Variants in RAPGEF4 observed in about 807,000 individuals in gnomAD.
RAPGEF4 encodes the protein Rap guanine nucleotide exchange factor 4, also known as RAP guanine-nucleotide-exchange factor (GEF) 4.
In RAPGEF4, 66 loss-of-function variants were observed where a neutral mutation model predicts 147.9. That is an observed-to-expected ratio of 0.45 (90% CI 0.37 to 0.55). RAPGEF4 has a LOEUF of 0.55. RAPGEF4 is among the 20% of genes least tolerant of loss of function. RAPGEF4 has a pLI of 0.00. For missense variants in RAPGEF4, 1,071 were observed against 1,257.3 expected, an observed-to-expected ratio of 0.85 and a Z score of 2.24; for synonymous variants, 419 against 442.7, an observed-to-expected ratio of 0.95 and a Z score of 0.67.
intron 1 of RAPGEF4, among the ~76,000 whole-genome samples, chr2:172,755,883 T>A (rs909650420): frequency 6.6e-6 from 1 of 152,194 alleles, no homozygotes; most frequent in South Asian, 2.1e-4. Flanking sequence ...CAATTCTATG[T>A]GCATTCAAGT....
At chr2:172,842,839 A>G (rs1428684260) in intron 4 of RAPGEF4, among the ~76,000 whole-genome samples, 8 of 152,204 alleles carry the variant, frequency 5.3e-5, no homozygotes, top group African/African-American at 1.9e-4. Flanking sequence ...CTGTAGGATG[A>G]GCATGTGGGA....
intron 1 of RAPGEF4, among the ~76,000 whole-genome samples, chr2:172,768,016 T>C (rs943619549): frequency 6.6e-6 from 1 of 152,100 alleles, no homozygotes. Flanking sequence ...TTCGTCATGT[T>C]GGCCAGGCTG....
intron 27 of RAPGEF4, among the ~76,000 whole-genome samples, chr2:173,035,615 G>A (rs1451572715): frequency 3.3e-5 from 5 of 151,682 alleles, no homozygotes; most frequent in Non-Finnish European, 5.9e-5. Flanking sequence ...GCCTCCAAAA[G>A]TGCTGGGATT....
chr2:172,798,381 T>C (rs1686609728), intron 3 of RAPGEF4, among the ~76,000 whole-genome samples: 3 of 152,148 alleles, frequency 2.0e-5, no homozygotes, highest in Admixed American at 2.0e-4. Flanking sequence ...TTAAGACAAG[T>C]GGCCAAAATG....
At chr2:172,755,896 A>G (rs1360946955) in intron 1 of RAPGEF4, among the ~76,000 whole-genome samples, 1 of 152,176 alleles carries the variant, frequency 6.6e-6, no homozygotes, top group Non-Finnish European at 1.5e-5. Flanking sequence ...ATTCAAGTGC[A>G]CATGTGTGTG....
intron 1 of RAPGEF4, among the ~76,000 whole-genome samples, chr2:172,772,756 G>T (rs1305455388): frequency 2.6e-5 from 4 of 152,236 alleles, no homozygotes; most frequent in Non-Finnish European, 5.9e-5. Flanking sequence ...TTGGTACCAG[G>T]TGCTGTGCGT....
At position 172,920,211 on chromosome 2, in the gene RAPGEF4, T is replaced by C. The variant is rs560707263; in HGVS notation, c.518-2070T>C. Among the ~76,000 whole-genome samples the C allele has an allele frequency of 3.9e-5, 6 of 152,332 alleles. No homozygotes were observed. The South Asian group carries it at 1.2e-3, about 32-fold the overall frequency. ...TATATTTCTTAGTAGTAAATTAATATGCATTTTAATATTATTTTTGACATT... is the reference window on the plus strand; with the variant it reads ...TATATTTCTTAGTAGTAAATTAATACGCATTTTAATATTATTTTTGACATT... On this transcript the variant is annotated intron_variant, in intron 5 of 30. Transcript: ENST00000397081.
At chr2:172,867,226 G>A (rs1201708811) in intron 4 of RAPGEF4, among the ~76,000 whole-genome samples, 2 of 152,008 alleles carry the variant, frequency 1.3e-5, no homozygotes, top group Non-Finnish European at 2.9e-5. Context: ...ACCCACCTCG[G>A]CCTCCCAAAG....
chr2:172,856,552 T>C (rs1438881017), intron 4 of RAPGEF4, among the ~76,000 whole-genome samples: 1 of 152,214 alleles, frequency 6.6e-6, no homozygotes, highest in South Asian at 2.1e-4. Context: ...CATATGCCTT[T>C]AAAGAGTATT....
At chr2:172,909,592 C>A (rs902833033) in intron 4 of RAPGEF4, among the ~76,000 whole-genome samples, 1 of 152,138 alleles carries the variant, frequency 6.6e-6, no homozygotes, top group Non-Finnish European at 1.5e-5. Context: ...ACCTCCACAG[C>A]CGGAGTGTGG....
chr2:172,983,656 G>T, intron 11 of RAPGEF4, 76 bp downstream of exon 11: 1 of 1,547,772 alleles, frequency 6.5e-7, no homozygotes, highest in Non-Finnish European at 8.7e-7. Flanking sequence ...AGAGTATTAC[G>T]GTGTTGTGGG....
intron 23 of RAPGEF4, among the ~76,000 whole-genome samples, chr2:173,024,652 C>T (rs1696488757): frequency 6.6e-6 from 1 of 152,176 alleles, no homozygotes; most frequent in Non-Finnish European, 1.5e-5. Flanking sequence ...ATCATGACCC[C>T]AATTTACCAG....
chr2:172,943,299 A>G (rs1575324998), intron 6 of RAPGEF4, among the ~76,000 whole-genome samples: 1 of 152,142 alleles, frequency 6.6e-6, no homozygotes, highest in African/African-American at 2.4e-5. Flanking sequence ...CATGATCAGA[A>G]TGGCTCTTTT....
intron 4 of RAPGEF4, among the ~76,000 whole-genome samples, chr2:172,897,455 G>A (rs72908249): frequency 6.6e-6 from 1 of 152,206 alleles, no homozygotes; most frequent in Non-Finnish European, 1.5e-5. Flanking sequence ...CCAGAGTGCA[G>A]TGGTGTAATC....
chr2:172,834,116 C>A (rs72900226), intron 4 of RAPGEF4, among the ~76,000 whole-genome samples: 2,275 of 152,294 alleles, frequency 0.015, 19 homozygotes, highest in South Asian at 0.034. Context: ...AATTCTATCA[C>A]GTGCTGTTTT....
At chr2:172,839,575 C>T (rs1691353840) in intron 4 of RAPGEF4, among the ~76,000 whole-genome samples, 1 of 152,012 alleles carries the variant, frequency 6.6e-6, no homozygotes, top group South Asian at 2.1e-4. Flanking sequence ...TTAACTGCAA[C>T]CTGTTTTATC....
In RAPGEF4 at chr2:172,972,328, G is replaced by T. The variant is rs567789979; in HGVS notation, c.1004+4884G>T. Among the ~76,000 whole-genome samples, 8 of 152,348 alleles carry T rather than the reference G, an allele frequency of 5.3e-5. No individual in the cohort carries two copies. The South Asian group carries it at 1.7e-3, about 32-fold the overall frequency. ...AATCCTGGTAATTATAGAGGGATTT[G>T]TTTCTTCGGGGGATTCCAGATTAGC... is the stretch of plus-strand genomic sequence containing the variant. On this transcript the variant is annotated intron_variant, in intron 10 of 30. Coordinates refer to ENST00000397081, the MANE Select transcript of RAPGEF4 (RefSeq NM_007023.4).
At chr2:172,794,072 G>A (rs1686103073) in intron 1 of RAPGEF4, among the ~76,000 whole-genome samples, 1 of 151,882 alleles carries the variant, frequency 6.6e-6, no homozygotes, top group Non-Finnish European at 1.5e-5. Context: ...AGGCTGCAGT[G>A]AGCCAAGATT....
chr2:172,833,352 C>A, intron 4 of RAPGEF4, among the ~76,000 whole-genome samples: 1 of 146,744 alleles, frequency 6.8e-6, no homozygotes, highest in African/African-American at 2.5e-5. Context: ...AGGGGAAGAA[C>A]GCATTTTATG....
Sources: allele counts gnomAD v4.1 joint callset (sites outside exome capture counted in the v4.1 genomes callset), GRCh38; gene constraint gnomAD v4.1.1; transcripts MANE v1.5; gene names NCBI Gene and HGNC (gene_info 2026-07-23, HGNC 2026-07-21).